FTO: variants seen among roughly 807,000 people sequenced by gnomAD.
FTO encodes the protein FTO alpha-ketoglutarate dependent dioxygenase.
In FTO, 47 loss-of-function variants were observed where a neutral mutation model predicts 63.9. That is an observed-to-expected ratio of 0.74 (90% confidence interval 0.58 to 0.94). The LOEUF is 0.94. Ranked by LOEUF, FTO falls within the 40% of genes least tolerant of loss-of-function variation. The pLI, the probability that FTO is intolerant of heterozygous loss-of-function variation, is 0.00. For missense variants in FTO, 562 were observed against 618.1 expected, an observed-to-expected ratio of 0.91 and a Z score of 0.96; for synonymous variants, 207 against 224.4, an observed-to-expected ratio of 0.92 and a Z score of 0.69.
chr16:54,014,494 C>G (rs1464017624), intron 8 of FTO, among the ~76,000 whole-genome samples: 1 of 152,068 alleles, frequency 6.6e-6, no homozygotes, highest in Non-Finnish European at 1.5e-5. Flanking sequence ...TCAGCAGAAG[C>G]TGATGCTGGT....
At position 54,048,416 on chromosome 16, in the gene FTO, G is replaced by A. The variant is rs76391762; in HGVS notation, c.1365-63346G>A. The stretch of plus-strand genomic sequence containing the variant: ...CATGTGCTCAGTGAAGGCAAAAGTC[G>A]TTTTGATATCTTTTTAGTAAATCAT... On this transcript the variant is annotated intron_variant, in intron 8 of 8. Transcript: ENST00000471389. Among the ~76,000 whole-genome samples, 23 of 152,068 alleles carry A rather than the reference G, an allele frequency of 1.5e-4. No individual in the cohort carries two copies. In the East Asian group the frequency reaches 2.5e-3, roughly 17 times the overall value.
intron 1 of FTO, among the ~76,000 whole-genome samples, chr16:53,742,739 T>C (rs1050965677): frequency 6.6e-6 from 1 of 152,206 alleles, no homozygotes. Context: ...TTAATCTTCA[T>C]CATAAACCTA....
chr16:53,752,925 T>G (rs2076833216), intron 1 of FTO, among the ~76,000 whole-genome samples: 1 of 152,044 alleles, frequency 6.6e-6, no homozygotes, highest in South Asian at 2.1e-4. Flanking sequence ...ACTGCCTTTT[T>G]TTTTTTTTTT....
chr16:54,048,213 TA>T (rs1418052033), intron 8 of FTO, among the ~76,000 whole-genome samples: 2 of 97,782 alleles, frequency 2.0e-5, no homozygotes, highest in Non-Finnish European at 4.2e-5. Flanking sequence ...CTGTTTAATG[TA>T]AAAAAAAATA....
At chr16:53,960,870 C>T (rs760887660) in intron 8 of FTO, among the ~76,000 whole-genome samples, 9 of 151,716 alleles carry the variant, frequency 5.9e-5, no homozygotes, top group Non-Finnish European at 8.8e-5. Flanking sequence ...TTTCTCTGTC[C>T]GAAAAAAAAT....
intron 8 of FTO, among the ~76,000 whole-genome samples, chr16:54,098,103 C>G (rs2086555998): frequency 6.6e-6 from 1 of 152,186 alleles, no homozygotes; most frequent in African/African-American, 2.4e-5. Context: ...AAGGGTCCAT[C>G]ATGGAGGGCC....
At chr16:53,883,637 A>AC (rs1491279407) in intron 6 of FTO, among the ~76,000 whole-genome samples, 48 of 127,880 alleles carry the variant, frequency 3.8e-4, no homozygotes, top group African/African-American at 1.5e-3. Context: ...AAAAAAAAAC[A>AC]AAAAAAAAAA....
At chr16:53,850,021 A>T (rs2079743355) in intron 4 of FTO, among the ~76,000 whole-genome samples, 1 of 152,246 alleles carries the variant, frequency 6.6e-6, no homozygotes, top group South Asian at 2.1e-4. Context: ...TTATGGCTTA[A>T]TCATAAATTT....
Position 53,718,956 on chromosome 16 carries a change from G to T in FTO, c.45+14727G>T, listed in dbSNP as rs973213520. Among the ~76,000 whole-genome samples the T allele has an allele frequency of 9.9e-5, 15 of 152,088 alleles. No individual in the cohort carries two copies. The East Asian group carries it at 1.9e-3, about 20-fold the overall frequency. On this transcript the variant is annotated intron_variant, in intron 1 of 8. Coordinates refer to ENST00000471389, the MANE Select transcript of FTO (RefSeq NM_001080432.3). ...GGGTATATCAGAATCTTTGAATGGG[G>T]CATATATAACATACATGTTGAACAT...
intron 8 of FTO, chr16:53,937,480 C>G (rs779799930): frequency 1.0e-5 from 4 of 386,376 alleles, no homozygotes; most frequent in African/African-American, 2.1e-5. Flanking sequence ...TTCTTAGGGT[C>G]TACTGTAGGA....
intron 8 of FTO, among the ~76,000 whole-genome samples, chr16:53,994,981 G>T (rs1283187613): frequency 3.3e-5 from 5 of 152,102 alleles, no homozygotes; most frequent in Non-Finnish European, 5.9e-5. Context: ...TGATCCGCCC[G>T]TCTCGGCCTC....
chr16:53,879,843 G>T lies in FTO; in HGVS notation c.976-1G>T, dbSNP rs1476434012. 6 of 1,613,996 alleles carry T rather than the reference G, an allele frequency of 3.7e-6. No individual in the cohort carries two copies. The highest frequency in any genetic ancestry group is 5.1e-6 in the Non-Finnish European group (6 of 1,179,956). On this transcript the variant is annotated splice_acceptor_variant, in intron 5 of 8. Transcript: ENST00000471389. LOFTEE classifies it high-confidence loss of function. ...TGTGATTGCTGGTTCTGTCTCAACA[G>T]TGCTCAACAGGAACCTTGGATTATA...
intron 8 of FTO, among the ~76,000 whole-genome samples, chr16:54,088,048 A>C (rs77917113): frequency 0.03 from 4,569 of 152,286 alleles, 155 homozygotes; most frequent in South Asian, 0.095. Flanking sequence ...AGTAATGCAC[A>C]ATACATTCAC....
chr16:53,763,168 A>C (rs1181854946), intron 1 of FTO, among the ~76,000 whole-genome samples: 1 of 152,214 alleles, frequency 6.6e-6, no homozygotes, highest in African/African-American at 2.4e-5. Context: ...GAGAGTGTCT[A>C]ATATCTTACA....
At chr16:54,053,324 C>G (rs2085354467) in intron 8 of FTO, among the ~76,000 whole-genome samples, 1 of 152,172 alleles carries the variant, frequency 6.6e-6, no homozygotes, top group Admixed American at 6.5e-5. Context: ...CATGCCCGCT[C>G]CATGTCTCTC....
intron 3 of FTO, among the ~76,000 whole-genome samples, chr16:53,826,929 A>G (rs1598760449): frequency 6.6e-6 from 1 of 152,172 alleles, no homozygotes; most frequent in African/African-American, 2.4e-5. Flanking sequence ...ACATTTCCAG[A>G]CCTGCCAAAA....
chr16:54,008,805 AAATAATAATAATAATAATAATAATAAT>A (rs142826263), intron 8 of FTO, among the ~76,000 whole-genome samples: 17,321 of 140,966 alleles, frequency 0.12, 1,357 homozygotes, highest in Admixed American at 0.25. Context: ...CTGTCTCCAC[AAATAATAATAATAATAATAATAATAAT>A]AATAATAATA....
chr16:53,880,386 G>T (rs953716316), intron 6 of FTO, among the ~76,000 whole-genome samples: 2 of 152,170 alleles, frequency 1.3e-5, no homozygotes, highest in Non-Finnish European at 2.9e-5. Context: ...GTTATAAGAC[G>T]TGAGACTCTT....
At chr16:53,900,962 G>A (rs2081390256) in intron 7 of FTO, among the ~76,000 whole-genome samples, 1 of 152,138 alleles carries the variant, frequency 6.6e-6, no homozygotes. Flanking sequence ...TCTTTGCAAG[G>A]TATGGCACTT....
Sources: allele counts gnomAD v4.1 joint callset (sites outside exome capture counted in the v4.1 genomes callset), GRCh38; gene constraint gnomAD v4.1.1; transcripts MANE v1.5; gene names NCBI Gene and HGNC (gene_info 2026-07-23, HGNC 2026-07-21).